Variants in STAU2 observed in about 807,000 individuals in gnomAD.
STAU2 encodes staufen double-stranded RNA binding protein 2.
STAU2 carries 20 observed loss-of-function variants against 65.9 expected under a neutral mutation model. The ratio of observed to expected loss-of-function variants is 0.30; its 90% CI spans 0.21 to 0.44. STAU2 has a LOEUF of 0.44. Ranked by LOEUF, STAU2 falls within the 20% of genes least tolerant of loss-of-function variation. The pLI, the probability that STAU2 is intolerant of heterozygous loss-of-function variation, is 1.00. For synonymous variants in STAU2, 232 were observed against 233.9 expected (o/e 0.99, Z 0.07); for missense variants, 558 against 683.9 (o/e 0.82, Z 2.05).
intron 6 of STAU2, among the ~76,000 whole-genome samples, chr8:73,650,566 C>A (rs1393940833): frequency 6.6e-6 from 1 of 152,122 alleles, no homozygotes; most frequent in African/African-American, 2.4e-5. Context: ...ATATTCCTGA[C>A]AAATGATAAC....
chr8:73,494,530 A>G (rs1480121571), intron 13 of STAU2, among the ~76,000 whole-genome samples: 2 of 151,692 alleles, frequency 1.3e-5, no homozygotes, highest in Non-Finnish European at 3.0e-5. Flanking sequence ...TTTGTACTCA[A>G]TGAAGTTTAA....
intron 13 of STAU2, among the ~76,000 whole-genome samples, chr8:73,484,882 G>A (rs1432727119): frequency 6.6e-6 from 1 of 151,946 alleles, no homozygotes; most frequent in Admixed American, 6.6e-5. Context: ...TGACAACTGG[G>A]GCCATGACAG....
At chr8:73,649,284 T>C (rs1371706178) in intron 6 of STAU2, among the ~76,000 whole-genome samples, 1 of 152,178 alleles carries the variant, frequency 6.6e-6, no homozygotes, top group Non-Finnish European at 1.5e-5. Flanking sequence ...AAGTGGCATT[T>C]TTCCAACGTC....
At chr8:73,533,660 C>A (rs1271520779) in intron 13 of STAU2, among the ~76,000 whole-genome samples, 107 of 152,194 alleles carry the variant, frequency 7.0e-4, no homozygotes, top group Non-Finnish European at 1.5e-5. Context: ...CTTTACAAGG[C>A]CAAGGTGTGA....
At chr8:73,525,367 T>G (rs1823296011) in intron 13 of STAU2, among the ~76,000 whole-genome samples, 1 of 152,192 alleles carries the variant, frequency 6.6e-6, no homozygotes, top group African/African-American at 2.4e-5. Flanking sequence ...CACACCGCAG[T>G]TATTGTAGAC....
chr8:73,591,890 A>AC (rs1414018995), intron 11 of STAU2, among the ~76,000 whole-genome samples: 1 of 124,936 alleles, frequency 8.0e-6, no homozygotes, highest in African/African-American at 3.1e-5. Context: ...GGTAAAAAAA[A>AC]AAAAAAAAAA....
At chr8:73,576,610 G>C (rs1484223899) in intron 12 of STAU2, among the ~76,000 whole-genome samples, 1 of 152,086 alleles carries the variant, frequency 6.6e-6, no homozygotes, top group Non-Finnish European at 1.5e-5. Context: ...TCTTAAATTG[G>C]GCGGTGGGTT....
intron 13 of STAU2, among the ~76,000 whole-genome samples, chr8:73,502,484 A>T (rs1170992341): frequency 2.0e-5 from 3 of 152,012 alleles, no homozygotes; most frequent in Non-Finnish European, 4.4e-5. Context: ...ATATCCAAAG[A>T]TCAACCCTAT....
chr8:73,452,233 TTC>T lies in STAU2; in HGVS notation c.1531-29533_1531-29532del, dbSNP rs143950760. 1.3e-4 allele frequency among the ~76,000 whole-genome samples: 19 copies of T among 151,952 alleles called. No homozygotes were observed. In the East Asian group the frequency reaches 2.7e-3, roughly 22 times the overall value. ...TTATCCACTGCCTCTTCTCTAACTC[TTC>T]TCTCTCTCTCTCCCTATCATGACAC... On this transcript the variant is annotated intron_variant, in intron 13 of 14. Coordinates refer to ENST00000524300, the MANE Select transcript of STAU2 (RefSeq NM_001164380.2).
At chr8:73,581,154 AC>A (rs1809947910) in intron 12 of STAU2, among the ~76,000 whole-genome samples, 2 of 152,322 alleles carry the variant, frequency 1.3e-5, no homozygotes, top group South Asian at 4.1e-4. Context: ...TTAAAAAAAA[AC>A]AAACACATAA....
At chr8:73,654,921 G>A (rs1051182847) in intron 6 of STAU2, among the ~76,000 whole-genome samples, 9 of 152,022 alleles carry the variant, frequency 5.9e-5, no homozygotes, top group African/African-American at 2.2e-4. Flanking sequence ...TCCTGACCTC[G>A]TGATCTGCCC....
At chr8:73,694,381 C>T (rs1230251296) in intron 4 of STAU2, among the ~76,000 whole-genome samples, 4 of 152,196 alleles carry the variant, frequency 2.6e-5, no homozygotes, top group Admixed American at 2.0e-4. Context: ...GCAGAATATA[C>T]ACTTGCTCTC....
intron 13 of STAU2, chr8:73,440,519 T>C (rs1276857839): frequency 6.6e-6 from 1 of 152,196 alleles, no homozygotes; most frequent in Non-Finnish European, 1.5e-5. Context: ...TCAAACCCAT[T>C]AGCAAATTCT....
chr8:73,732,197 G>A (rs1299809346), intron 3 of STAU2, among the ~76,000 whole-genome samples: 1 of 151,844 alleles, frequency 6.6e-6, no homozygotes. Flanking sequence ...CTGTTGGCAG[G>A]AGGCCTCAGT....
chr8:73,582,419 TTTA>T (rs1339713618), intron 12 of STAU2, among the ~76,000 whole-genome samples: 1 of 150,256 alleles, frequency 6.7e-6, no homozygotes, highest in Non-Finnish European at 1.5e-5. Flanking sequence ...TAATTACTTC[TTTA>T]TTTTTATTAT....
At chr8:73,531,232 G>A (rs58463849) in intron 13 of STAU2, among the ~76,000 whole-genome samples, 13,292 of 151,204 alleles carry the variant, frequency 0.088, 957 homozygotes, top group African/African-American at 0.17. Flanking sequence ...CAATGGAAGG[G>A]TATGAACTTG....
intron 3 of STAU2, among the ~76,000 whole-genome samples, chr8:73,711,417 T>C (rs117651655): frequency 5.9e-5 from 9 of 152,234 alleles, no homozygotes; most frequent in Non-Finnish European, 8.8e-5. Context: ...AGCAGAATAA[T>C]TGGTTAAAAT....
chr8:73,521,253 A>C (rs980142944), intron 13 of STAU2, among the ~76,000 whole-genome samples: 1 of 152,184 alleles, frequency 6.6e-6, no homozygotes, highest in Admixed American at 6.5e-5. Flanking sequence ...GTAAATTGTT[A>C]CACTTCATGA....
At chr8:73,603,637 C>T (rs890125900) in intron 10 of STAU2, 89 bp downstream of exon 10, 78 of 1,499,484 alleles carry the variant, frequency 5.2e-5, no homozygotes, top group Non-Finnish European at 6.4e-5. Context: ...ACTTTCTGCT[C>T]TTAAGTCCTA....
Sources: gnomAD v4.1 joint callset for allele counts (sites outside exome capture counted in the v4.1 genomes callset) on GRCh38, gnomAD v4.1.1 for gene constraint, MANE v1.5 for transcripts, NCBI Gene and HGNC (gene_info 2026-07-23, HGNC 2026-07-21) for gene names.